MINDY2: variants seen among roughly 807,000 people sequenced by gnomAD.
The protein encoded by MINDY2 is ubiquitin carboxyl-terminal hydrolase MINDY-2.
Under a neutral mutation model 68.2 loss-of-function variants are expected in MINDY2, and 52 were observed. That is an observed-to-expected ratio of 0.76 (90% CI 0.61 to 0.96). MINDY2 has a LOEUF of 0.96. Among genes scored for constraint, MINDY2 ranks in the 40% least tolerant of loss-of-function variants. MINDY2 has a pLI of 0.00. For missense variants in MINDY2, 881 were observed against 773.4 expected (o/e 1.14, Z -1.65); for synonymous variants, 372 against 303.0 (o/e 1.23, Z -2.36).
At chr15:58,853,247 C>T (rs1020818497) in intron 8 of MINDY2, among the ~76,000 whole-genome samples, 14 of 152,132 alleles carry the variant, frequency 9.2e-5, no homozygotes, top group Middle Eastern at 6.8e-3. Context: ...GGCACCACGC[C>T]TGGCCTAAAC....
At chr15:58,773,086 A>G (rs1220651856) in intron 1 of MINDY2, among the ~76,000 whole-genome samples, 1 of 151,968 alleles carries the variant, frequency 6.6e-6, no homozygotes, top group Non-Finnish European at 1.5e-5. Flanking sequence ...CACAGCACCT[A>G]TTTTATTTTC....
intron 1 of MINDY2, among the ~76,000 whole-genome samples, chr15:58,786,112 C>T (rs1901480479): frequency 6.6e-6 from 1 of 152,218 alleles, no homozygotes; most frequent in Non-Finnish European, 1.5e-5. Context: ...TATATGCTTA[C>T]AGATGGCTTC....
chr15:58,818,651 ATTTTTTT>A (rs202083877), intron 4 of MINDY2, among the ~76,000 whole-genome samples: 1 of 131,556 alleles, frequency 7.6e-6, no homozygotes, highest in Non-Finnish European at 1.6e-5. Flanking sequence ...TTGTATATTG[ATTTTTTT>A]TTTTTTTTTT....
At chr15:58,818,280 A>T (rs1041047824) in intron 4 of MINDY2, among the ~76,000 whole-genome samples, 1 of 152,186 alleles carries the variant, frequency 6.6e-6, no homozygotes, top group Non-Finnish European at 1.5e-5. Context: ...GTGGGGGAAG[A>T]CAAGATCTTA....
chr15:58,801,293 C>T (rs1179754036), intron 2 of MINDY2, among the ~76,000 whole-genome samples: 2 of 135,514 alleles, frequency 1.5e-5, no homozygotes, highest in Non-Finnish European at 3.1e-5. Flanking sequence ...TTTTACAGTT[C>T]AATAAGAAAA....
chr15:58,854,753 A>C lies in MINDY2; in HGVS notation c.*143A>C, dbSNP rs2033003269. 4 of 881,098 alleles carry C rather than the reference A, an allele frequency of 4.5e-6. No homozygotes were observed. Among genetic ancestry groups the C allele is most frequent in the Non-Finnish European group, 6.6e-6 (4 of 604,010 alleles). 54.6% of individuals were successfully genotyped at this position (881,098 alleles called of 1,614,324 possible). ...TTTTTCAGGGGAACGGTTGTTACTT[A>C]GTTACAATCAGACTTTTTCAAGTCA... On this transcript the variant is annotated 3_prime_UTR_variant, in exon 9 of 9. Transcript: ENST00000559228.
At position 58,771,480 on chromosome 15, in the gene MINDY2, G is replaced by A. The variant is rs1900381086; in HGVS notation, c.85G>A (p.Gly29Arg). ...GTCAGGGACAGGTTCTTCGCAGGAA[G>A]GGCTACAGGAGACCAGGCTCGCCGC... ...PASGTGSSQE[G>R]LQETRLAAGD... is the part of the protein sequence containing the mutation. The change falls in exon 1 of 9, where the codon GGG (glycine) becomes AGG (arginine). Residue 29 changes from glycine (G) to arginine (R), a missense_variant. Gly to Arg is a moderately radical substitution (Grantham distance 125). Transcript: ENST00000559228. The A allele has an allele frequency of 6.2e-7, 1 of 1,612,610 alleles. No individual in the cohort carries two copies. The highest frequency in any genetic ancestry group is 8.5e-7 in the Non-Finnish European group (1 of 1,179,844).
intron 7 of MINDY2, among the ~76,000 whole-genome samples, chr15:58,850,972 CA>C (rs1422039235): frequency 6.6e-6 from 1 of 151,982 alleles, no homozygotes; most frequent in Non-Finnish European, 1.5e-5. Flanking sequence ...TACATTCCCC[CA>C]ATTTTTTGTT....
intron 1 of MINDY2, 116 bp downstream of exon 1, chr15:58,772,351 C>G: frequency 6.9e-7 from 1 of 1,446,318 alleles, no homozygotes; most frequent in Non-Finnish European, 9.3e-7. Flanking sequence ...CAGTCCCCTT[C>G]TTACATGAAA....
chr15:58,803,069 A>G (rs1187398785), intron 3 of MINDY2, among the ~76,000 whole-genome samples: 1 of 152,200 alleles, frequency 6.6e-6, no homozygotes, highest in Non-Finnish European at 1.5e-5. Context: ...TTTTTAACAT[A>G]CTTTCACCAG....
chr15:58,817,401 A>G (rs1358740331), intron 4 of MINDY2, among the ~76,000 whole-genome samples: 1 of 152,232 alleles, frequency 6.6e-6, no homozygotes, highest in Non-Finnish European at 1.5e-5. Flanking sequence ...AGACCACTGT[A>G]CATACATCAG....
intron 6 of MINDY2, among the ~76,000 whole-genome samples, chr15:58,840,193 G>T (rs2032207090): frequency 2.0e-5 from 3 of 152,012 alleles, no homozygotes; most frequent in African/African-American, 7.3e-5. Context: ...CAATGGATGT[G>T]TAATCAAACT....
chr15:58,848,633 C>T (rs1188320106), intron 7 of MINDY2, among the ~76,000 whole-genome samples: 2 of 152,100 alleles, frequency 1.3e-5, no homozygotes, highest in African/African-American at 4.8e-5. Flanking sequence ...GTAGTCGCAG[C>T]TACTCAGGAG....
chr15:58,840,568 C>G (rs1160850816), intron 6 of MINDY2, among the ~76,000 whole-genome samples: 1 of 151,354 alleles, frequency 6.6e-6, no homozygotes, highest in Non-Finnish European at 1.5e-5. Flanking sequence ...ACCTGGTCTT[C>G]TACAATTAAA....
At chr15:58,792,297 T>A (rs372492734) in intron 2 of MINDY2, among the ~76,000 whole-genome samples, 4 of 152,348 alleles carry the variant, frequency 2.6e-5, no homozygotes, top group African/African-American at 9.6e-5. Flanking sequence ...TGAAAACGTA[T>A]GTCCATACAG....
At chr15:58,776,208 C>G (rs1367115787) in intron 1 of MINDY2, among the ~76,000 whole-genome samples, 2 of 152,068 alleles carry the variant, frequency 1.3e-5, no homozygotes, top group African/African-American at 4.8e-5. Flanking sequence ...TAAATGAATT[C>G]TCCAGAGAGT....
intron 2 of MINDY2, 23 bp from the exon 3 acceptor site, chr15:58,802,290 C>T (rs575256738): frequency 1.4e-6 from 2 of 1,439,520 alleles, no homozygotes; most frequent in Admixed American, 2.1e-5. Context: ...GGCAATTTTA[C>T]AATTCTTTTT....
chr15:58,814,908 G>A (rs1307029070), intron 4 of MINDY2, among the ~76,000 whole-genome samples: 4 of 151,084 alleles, frequency 2.6e-5, no homozygotes, highest in African/African-American at 9.7e-5. Flanking sequence ...CTCTCAGAGT[G>A]CCGAGGTTAC....
At chr15:58,781,792 A>T (rs1180201795) in intron 1 of MINDY2, among the ~76,000 whole-genome samples, 2 of 152,032 alleles carry the variant, frequency 1.3e-5, no homozygotes, top group Non-Finnish European at 2.9e-5. Flanking sequence ...AATCCCAGCT[A>T]CTCGGGAGGC....
Sources: gnomAD v4.1 joint callset for allele counts (sites outside exome capture counted in the v4.1 genomes callset) on GRCh38, gnomAD v4.1.1 for gene constraint, MANE v1.5 for transcripts, NCBI Gene and HGNC (gene_info 2026-07-23, HGNC 2026-07-21) for gene names.